ADAMTSL1: variants seen among roughly 807,000 people sequenced by gnomAD.
The protein encoded by ADAMTSL1 is ADAMTS-like protein 1.
Under a neutral mutation model 201.8 loss-of-function variants are expected in ADAMTSL1, and 126 were observed. The observed-to-expected ratio is 0.62, with a 90% CI of 0.54 to 0.72. The LOEUF (loss-of-function observed/expected upper bound fraction) is 0.72, where lower values mean the gene tolerates loss of function less well. Among genes scored for constraint, ADAMTSL1 ranks in the 30% least tolerant of loss-of-function variants. ADAMTSL1 has a pLI of 0.00. For missense variants in ADAMTSL1, 2,679 were observed against 2,277.8 expected, an observed-to-expected ratio of 1.18 and a Z score of -3.59; for synonymous variants, 1,121 against 903.4, an observed-to-expected ratio of 1.24 and a Z score of -4.32.
chr9:18,130,549 G>C (rs904343321), intron 1 of ADAMTSL1, among the ~76,000 whole-genome samples: 2 of 152,090 alleles, frequency 1.3e-5, no homozygotes, highest in African/African-American at 2.4e-5. Flanking sequence ...TCATAGATCT[G>C]ATTGCATGAT....
intron 2 of ADAMTSL1, among the ~76,000 whole-genome samples, chr9:18,415,593 T>A (rs1301543626): frequency 1.3e-5 from 2 of 152,060 alleles, no homozygotes; most frequent in Non-Finnish European, 2.9e-5. Context: ...TAATCTGAGT[T>A]CCTGAAGTTG....
intron 2 of ADAMTSL1, among the ~76,000 whole-genome samples, chr9:18,408,913 A>G (rs1420489548): frequency 6.6e-6 from 1 of 152,266 alleles, no homozygotes; most frequent in African/African-American, 2.4e-5. Context: ...ATAGGATCAT[A>G]TAAAATAAGT....
chr9:18,422,756 C>A (rs771465954), intron 2 of ADAMTSL1, among the ~76,000 whole-genome samples: 1 of 152,280 alleles, frequency 6.6e-6, no homozygotes, highest in East Asian at 1.9e-4. Flanking sequence ...CTGCAGCATC[C>A]GGTATGGCCT....
intron 2 of ADAMTSL1, among the ~76,000 whole-genome samples, chr9:18,238,345 T>G (rs1830928511): frequency 6.6e-6 from 1 of 152,168 alleles, no homozygotes; most frequent in Non-Finnish European, 1.5e-5. Flanking sequence ...GTGACTCATC[T>G]GTAACTCAGT....
At chr9:18,322,284 A>C (rs954294526) in intron 2 of ADAMTSL1, among the ~76,000 whole-genome samples, 1 of 152,176 alleles carries the variant, frequency 6.6e-6, no homozygotes, top group Non-Finnish European at 1.5e-5. Flanking sequence ...ATTATATAGA[A>C]AAAAATTAAG....
intron 2 of ADAMTSL1, among the ~76,000 whole-genome samples, chr9:18,169,153 G>T (rs908752046): frequency 6.7e-5 from 10 of 150,268 alleles, no homozygotes; most frequent in South Asian, 2.1e-4. Flanking sequence ...GTCAATTTTG[G>T]CTTTTGTTGC....
Position 18,055,095 on chromosome 9 carries a change from G to A in ADAMTSL1, c.88-108767G>A, listed in dbSNP as rs79238733. On this transcript the variant is annotated intron_variant, in intron 1 of 29. Transcript: ENST00000680146. ...GCATTCCCTGAATGGACTGGGGCAT[G>A]CACATGGTCTCTGCTGAGTGATTTT... Among the ~76,000 whole-genome samples, 145 of 152,334 alleles carry A rather than the reference G, an allele frequency of 9.5e-4. 1 individual carries two copies. The East Asian group carries it at 0.027, about 28-fold the overall frequency.
intron 2 of ADAMTSL1, among the ~76,000 whole-genome samples, chr9:18,284,677 A>G (rs554091008): frequency 3.4e-4 from 52 of 152,366 alleles, no homozygotes; most frequent in Non-Finnish European, 5.4e-4. Context: ...TAACATAAAG[A>G]AGAAAATAAA....
At chr9:18,165,629 C>T (rs1827596074) in intron 2 of ADAMTSL1, among the ~76,000 whole-genome samples, 1 of 151,694 alleles carries the variant, frequency 6.6e-6, no homozygotes, top group East Asian at 1.9e-4. Flanking sequence ...AATTACCTAC[C>T]AACACAAGTA....
At chr9:18,612,629 C>T (rs1318078297) in intron 4 of ADAMTSL1, among the ~76,000 whole-genome samples, 1 of 152,150 alleles carries the variant, frequency 6.6e-6, no homozygotes, top group Non-Finnish European at 1.5e-5. Flanking sequence ...GAAAGGATTC[C>T]TTATTCAATA....
At chr9:18,114,132 C>A (rs148357606) in intron 1 of ADAMTSL1, among the ~76,000 whole-genome samples, 41 of 152,232 alleles carry the variant, frequency 2.7e-4, no homozygotes, top group African/African-American at 9.4e-4. Flanking sequence ...GGTCACATGA[C>A]ATTGAGAGAT....
chr9:18,030,993 G>T (rs144746624), intron 1 of ADAMTSL1, among the ~76,000 whole-genome samples: 2 of 152,052 alleles, frequency 1.3e-5, no homozygotes, highest in African/African-American at 4.8e-5. Context: ...TTTCTGTAGT[G>T]AATTTTTCAA....
Position 18,867,775 on chromosome 9 carries a change from T to A in ADAMTSL1, c.4250-20056T>A, listed in dbSNP as rs562944919. Among the ~76,000 whole-genome samples the A allele has an allele frequency of 2.7e-4, 41 of 152,154 alleles. 1 individual carries two copies. The highest frequency in any genetic ancestry group is 2.7e-3 in the Admixed American group (41 of 15,280). On this transcript the variant is annotated intron_variant, in intron 23 of 28. Transcript: ENST00000380548. The stretch of plus-strand genomic sequence containing the variant: ...CTGAGTAGCTGGGACTACAGGCGCC[T>A]GCCACCATGCCAGGCTAATTGTTTG...
intron 2 of ADAMTSL1, among the ~76,000 whole-genome samples, chr9:18,353,491 A>T (rs548488915): frequency 1.3e-5 from 2 of 152,342 alleles, no homozygotes; most frequent in South Asian, 4.1e-4. Context: ...GGCATAATCC[A>T]TGAAAGCACA....
chr9:18,650,059 A>C (rs368872534), intron 7 of ADAMTSL1, among the ~76,000 whole-genome samples: 3 of 152,310 alleles, frequency 2.0e-5, no homozygotes, highest in Admixed American at 6.5e-5. Flanking sequence ...TCGAGCTTCC[A>C]GGCTGCTTTG....
Position 18,770,668 on chromosome 9 carries a change from G to A in ADAMTSL1, c.2284G>A (p.Gly762Ser), listed in dbSNP as rs1820639631. 1.2e-6 allele frequency: 2 copies of A among 1,613,518 alleles called. No homozygotes were observed. Among genetic ancestry groups the A allele is most frequent in the South Asian group, 2.2e-5 (2 of 90,950 alleles). The change falls in exon 17 of 29, where the codon GGC becomes AGC. Residue 762 changes from glycine (G) to serine (S), a missense_variant. Gly to Ser is a moderately conservative substitution (Grantham distance 56). Transcript: ENST00000380548. ...TCTTTGCAAGCAGCGCATGGCTGAT[G>A]GCAGCTTCCTGGAGCTTCCTGAGAC... ...EVLCKQRMAD[G>S]SFLELPETFC...
At chr9:18,684,294 A>C (rs1210724942) in intron 12 of ADAMTSL1, among the ~76,000 whole-genome samples, 2 of 151,838 alleles carry the variant, frequency 1.3e-5, no homozygotes, top group Admixed American at 1.3e-4. Flanking sequence ...CACTTAGCTA[A>C]AAGGCAAAAA....
At chr9:18,858,415 C>G (rs117734259) in intron 23 of ADAMTSL1, among the ~76,000 whole-genome samples, 3 of 152,208 alleles carry the variant, frequency 2.0e-5, no homozygotes, top group Non-Finnish European at 2.9e-5. Flanking sequence ...CCATCCTGGA[C>G]TACCACGGCT....
At chr9:18,319,882 T>TATTCTAG (rs1333800575) in intron 2 of ADAMTSL1, among the ~76,000 whole-genome samples, 8 of 152,152 alleles carry the variant, frequency 5.3e-5, no homozygotes, top group Non-Finnish European at 2.9e-5. Flanking sequence ...AAGGGGAGGT[T>TATTCTAG]ATTCTAGATT....
Sources: allele counts gnomAD v4.1 joint callset (sites outside exome capture counted in the v4.1 genomes callset), GRCh38; gene constraint gnomAD v4.1.1; transcripts MANE v1.5; gene names NCBI Gene and HGNC (gene_info 2026-07-23, HGNC 2026-07-21).